Variants in CUX2 observed in about 807,000 individuals in gnomAD.
CUX2 encodes the protein cut like homeobox 2.
A neutral mutation model predicts 144.8 loss-of-function variants in CUX2; 40 were observed. That is an observed-to-expected ratio of 0.28 (90% CI 0.21 to 0.36). The LOEUF (loss-of-function observed/expected upper bound fraction) is 0.36, where lower values mean the gene tolerates loss of function less well. CUX2 is among the 10% of genes least tolerant of loss of function. The pLI is 1.00. For synonymous variants in CUX2, 827 were observed against 875.6 expected, an observed-to-expected ratio of 0.94 and a Z score of 0.98; for missense variants, 1,615 against 1,994.0, an observed-to-expected ratio of 0.81 and a Z score of 3.62.
chr12:111,125,568 T>G (rs1023801880), intron 1 of CUX2, among the ~76,000 whole-genome samples: 1 of 152,254 alleles, frequency 6.6e-6, no homozygotes, highest in Non-Finnish European at 1.5e-5. Context: ...GGCACATGGA[T>G]CAGTAATTCA....
At chr12:111,299,856 A>T (rs963534235) in intron 9 of CUX2, among the ~76,000 whole-genome samples, 1 of 152,076 alleles carries the variant, frequency 6.6e-6, no homozygotes, top group Non-Finnish European at 1.5e-5. Context: ...TGGTCAATCC[A>T]TTCACAAGCC....
intron 1 of CUX2, among the ~76,000 whole-genome samples, chr12:111,204,949 G>A (rs1055301943): frequency 8.5e-5 from 13 of 152,270 alleles, no homozygotes; most frequent in African/African-American, 2.2e-4. Flanking sequence ...CTGATAGAAC[G>A]CGGGGAAGCC....
chr12:111,235,711 A>G (rs1360029972), intron 3 of CUX2, among the ~76,000 whole-genome samples: 1 of 151,476 alleles, frequency 6.6e-6, no homozygotes, highest in Non-Finnish European at 1.5e-5. Context: ...ACAGAGTAAG[A>G]CTCCATCTCA....
chr12:111,226,501 G>C (rs1469263837), intron 3 of CUX2, among the ~76,000 whole-genome samples: 2 of 152,142 alleles, frequency 1.3e-5, no homozygotes, highest in African/African-American at 2.4e-5. Context: ...GCCTTATAAA[G>C]TAAATTATTA....
intron 16 of CUX2, 63 bp from the exon 17 acceptor site, chr12:111,319,949 A>G (rs1887423393): frequency 7.1e-7 from 1 of 1,411,604 alleles, no homozygotes. Context: ...TGCTGTGAAC[A>G]TCGTCCCCTG....
At chr12:111,231,289 G>A (rs1882453463) in intron 3 of CUX2, among the ~76,000 whole-genome samples, 1 of 151,966 alleles carries the variant, frequency 6.6e-6, no homozygotes, top group Non-Finnish European at 1.5e-5. Context: ...CCTATAAGTG[G>A]CACCATACAG....
In CUX2 at chr12:111,168,090, C is replaced by T. The variant is rs145823033; in HGVS notation, c.64-46110C>T. ...GATAAGATTTGAACTCAAGCCAGTC[C>T]GGAGCCAAGCTGGCTGGAGTGAAGT... On this transcript the variant is annotated intron_variant, in intron 1 of 21. Transcript: ENST00000261726. Among the ~76,000 whole-genome samples, 39 of 152,230 alleles carry T rather than the reference C, an allele frequency of 2.6e-4. No individual in the cohort carries two copies. In the East Asian group the frequency reaches 5.8e-3, roughly 23 times the overall value.
rs762798326 is a variant in CUX2 at position 111,194,776 on chromosome 12, G to A, written c.64-19424G>A. ...GTGCTTAAAGCATATTTGAATGAGC[G>A]TGTCTTCAGACGAGAGGCTGATTAC... On this transcript the variant is annotated intron_variant, in intron 1 of 21. Transcript: ENST00000261726. Among the ~76,000 whole-genome samples, 6 of 152,234 alleles carry A rather than the reference G, an allele frequency of 3.9e-5. No homozygotes were observed. The South Asian group carries it at 1.0e-3, about 26-fold the overall frequency.
At position 111,314,639 on chromosome 12, in the gene CUX2, TAAAAAAAAAAA is replaced by T. The variant is rs954472479; in HGVS notation, c.2002+2457_2002+2467del. 2.2e-3 allele frequency among the ~76,000 whole-genome samples: 51 copies of T among 23,238 alleles called. 2 individuals are homozygous for T. The highest frequency in any genetic ancestry group is 7.5e-3 in the African/African-American group (46 of 6,172). The allele number at this position is 23,238 out of a possible 152,430, so 15.2% of individuals were successfully genotyped here. The stretch of plus-strand genomic sequence containing the variant: ...TGCGCAACAAGAGCAAAACTCAGTC[TAAAAAAAAAAA>T]AAAAAAAAAAAAAAAAAACCCCATC... On this transcript the variant is annotated intron_variant, in intron 16 of 21. Transcript: ENST00000261726.
At chr12:111,159,751 G>A (rs377123531) in intron 1 of CUX2, among the ~76,000 whole-genome samples, 1 of 152,288 alleles carries the variant, frequency 6.6e-6, no homozygotes, top group Non-Finnish European at 1.5e-5. Flanking sequence ...GAGGCCAGGC[G>A]CAGTGGGTCA....
At chr12:111,211,765 G>C (rs1477352749) in intron 1 of CUX2, among the ~76,000 whole-genome samples, 2 of 151,966 alleles carry the variant, frequency 1.3e-5, no homozygotes, top group African/African-American at 4.8e-5. Context: ...GGTGCTTGTA[G>C]TCACAGCTAC....
Position 111,348,198 on chromosome 12 carries a change from T to C in CUX2, c.4334T>C (p.Leu1445Ser), listed in dbSNP as rs1315499592. The change falls in exon 22 of 22, where the codon TTG (leucine) becomes TCG (serine). Residue 1445 changes from leucine to serine, a missense_variant. Physicochemically the swap from Leu to Ser is moderately radical, Grantham distance 145. Around this residue, in one of 12 missense-constraint regions of CUX2, gnomAD observed 298 missense variants for 330.4 expected, o/e 0.90. Transcript: ENST00000261726. ...ASPTADMAGA[L>S]HPSAKVNPNL... Reference sequence around the variant, plus strand: ...CCCACTGCTGACATGGCTGGAGCCTTGCACCCCAGTGCCAAGGTGAACCCC... The same window carrying C: ...CCCACTGCTGACATGGCTGGAGCCTCGCACCCCAGTGCCAAGGTGAACCCC... The C allele has an allele frequency of 1.2e-6, 2 of 1,614,028 alleles. No homozygotes were observed. The highest frequency in any genetic ancestry group is 1.1e-5 in the South Asian group (1 of 91,078).
intron 1 of CUX2, among the ~76,000 whole-genome samples, chr12:111,052,220 C>A (rs936660417): frequency 6.6e-6 from 1 of 152,158 alleles, no homozygotes; most frequent in Non-Finnish European, 1.5e-5. Context: ...TTCCTTGGGG[C>A]AGCTGCCTGC....
rs746179564 is a variant in CUX2 at position 111,310,086 on chromosome 12, C to T, written c.1304C>T (p.Thr435Met). Residue 435 changes from threonine (T) to methionine (M), a missense_variant, in exon 15 of 22, where the codon ACG becomes ATG. Physicochemically the swap from Thr to Met is moderately conservative, Grantham distance 81. This residue lies in a region of CUX2 where 8 missense variants were observed against 27.6 expected (regional missense o/e 0.29). Transcript: ENST00000261726. The surrounding 1 kb of genome is among the most constrained non-coding windows in gnomAD (Gnocchi z 7.9). The part of the protein sequence containing the change: ...EDDSIKDSLG[T>M]EQSYPSPQQL... ...GATTCCATCAAGGATTCACTGGGCACGGAGCAGTCCTACCCCTCCCCTCAG... is the reference window on the plus strand; with the variant it reads ...GATTCCATCAAGGATTCACTGGGCATGGAGCAGTCCTACCCCTCCCCTCAG... The T allele has an allele frequency of 2.6e-5, 36 of 1,406,260 alleles. No homozygotes were observed. The highest frequency in any genetic ancestry group is 1.3e-4 in the Admixed American group (4 of 31,596). The allele number at this position is 1,406,260 out of a possible 1,614,324, so 87.1% of individuals were successfully genotyped here.
chr12:111,176,140 C>T (rs1202652025), intron 1 of CUX2, among the ~76,000 whole-genome samples: 2 of 144,948 alleles, frequency 1.4e-5, no homozygotes, highest in African/African-American at 5.1e-5. Flanking sequence ...CATCCTCAAA[C>T]TCCTGGGCTT....
At position 111,312,050 on chromosome 12, in the gene CUX2, A is replaced by T. The variant is rs1774540608; in HGVS notation, c.1901-50A>T. ...CCCCCTACCCCACCAGGCTCCGGAG[A>T]CTGAGCCCAACATGCAGATCCTGCC... is the stretch of plus-strand genomic sequence containing the variant. On this transcript the variant is annotated intron_variant, in intron 15 of 21. Transcript: ENST00000261726. This position sits in a 1 kb window ranked among gnomAD's most constrained non-coding sequence, Gnocchi z 4.3. 6.5e-7 allele frequency: 1 copy of T among 1,530,432 alleles called. No individual in the cohort carries two copies. The highest frequency in any genetic ancestry group is 9.0e-7 in the Non-Finnish European group (1 of 1,114,054). The allele number at this position is 1,530,432 out of a possible 1,614,324, so 94.8% of individuals were successfully genotyped here.
intron 3 of CUX2, among the ~76,000 whole-genome samples, chr12:111,244,091 G>C (rs1883158527): frequency 6.6e-6 from 1 of 151,576 alleles, no homozygotes; most frequent in Non-Finnish European, 1.5e-5. Flanking sequence ...TAGCTTTTTG[G>C]GTTTTTTTTT....
At chr12:111,131,915 G>C (rs1256656262) in intron 1 of CUX2, among the ~76,000 whole-genome samples, 1 of 152,170 alleles carries the variant, frequency 6.6e-6, no homozygotes, top group Non-Finnish European at 1.5e-5. Context: ...GCTGTCAGTG[G>C]ATCTACCATT....
intron 1 of CUX2, among the ~76,000 whole-genome samples, chr12:111,136,171 G>A (rs1159604773): frequency 2.0e-5 from 3 of 151,986 alleles, no homozygotes; most frequent in Non-Finnish European, 2.9e-5. Context: ...TGAGAAGGAT[G>A]CAGGAACATC....
Sources: allele counts gnomAD v4.1 joint callset (sites outside exome capture counted in the v4.1 genomes callset), GRCh38; gene constraint gnomAD v4.1.1; regional missense constraint gnomAD v4.1.1; non-coding constraint Gnocchi (gnomAD v3.1); transcripts MANE v1.5; gene names NCBI Gene and HGNC (gene_info 2026-07-23, HGNC 2026-07-21).